TMEM114: variants seen among roughly 807,000 people sequenced by gnomAD.
TMEM114 encodes transmembrane protein 114.
Under a neutral mutation model 6.2 loss-of-function variants are expected in TMEM114, and 6 were observed. The observed-to-expected ratio is 0.97, with a 90% CI of 0.53 to 1.91. The LOEUF (loss-of-function observed/expected upper bound fraction) is 1.91. Ranked by LOEUF, TMEM114 falls within the 40% of genes most tolerant of loss-of-function variation. The pLI, the probability that TMEM114 is intolerant of heterozygous loss-of-function variation, is 0.01. For synonymous variants in TMEM114, 104 were observed against 73.0 expected, an observed-to-expected ratio of 1.42 and a Z score of -2.16; for missense variants, 218 against 158.3, an observed-to-expected ratio of 1.38 and a Z score of -2.02.
chr16:8,582,941 C>T (rs1031129901), intron 2 of TMEM114, among the ~76,000 whole-genome samples: 7 of 147,862 alleles, frequency 4.7e-5, no homozygotes, highest in African/African-American at 1.9e-4. Flanking sequence ...CAGGGAAGGG[C>T]AGGGAAAGGC....
chr16:8,555,246 A>G (rs982381547), intron 2 of TMEM114, among the ~76,000 whole-genome samples: 3 of 152,214 alleles, frequency 2.0e-5, no homozygotes, highest in South Asian at 2.1e-4. Context: ...TTAGCCCAGG[A>G]AGGAATTCAA....
intron 2 of TMEM114, among the ~76,000 whole-genome samples, chr16:8,548,612 A>C (rs1900745819): frequency 6.6e-6 from 1 of 151,260 alleles, no homozygotes; most frequent in South Asian, 2.1e-4. Context: ...CCCTAAGAGC[A>C]AATTATCTGA....
At chr16:8,540,649 C>A (rs886449521) in intron 2 of TMEM114, among the ~76,000 whole-genome samples, 2 of 152,116 alleles carry the variant, frequency 1.3e-5, no homozygotes, top group Admixed American at 1.3e-4. Flanking sequence ...TTTTTATTGA[C>A]CACTCACTAT....
At chr16:8,585,282 G>A (rs1377361330) in intron 2 of TMEM114, among the ~76,000 whole-genome samples, 3 of 152,186 alleles carry the variant, frequency 2.0e-5, no homozygotes, top group Non-Finnish European at 4.4e-5. Flanking sequence ...GATGACATTT[G>A]GGTGGGGGCA....
At chr16:8,562,794 G>C (rs1039911158) in intron 2 of TMEM114, among the ~76,000 whole-genome samples, 1 of 150,886 alleles carries the variant, frequency 6.6e-6, no homozygotes, top group South Asian at 2.1e-4. Context: ...ATGAGTAAGT[G>C]AGTGAATGAG....
chr16:8,569,243 C>A (rs1901638214), downstream of TMEM114, among the ~76,000 whole-genome samples: 1 of 152,136 alleles, frequency 6.6e-6, no homozygotes, highest in Non-Finnish European at 1.5e-5. Context: ...TTGGCCAACC[C>A]CTTGGGAGTC....
chr16:8,531,302 C>T, the TMEM114 span, among the ~76,000 whole-genome samples: 8 of 152,176 alleles, frequency 5.3e-5, no homozygotes, highest in Non-Finnish European at 1.0e-4. Flanking sequence ...ATATAATTTG[C>T]ATTGCAAAAT....
intron 2 of TMEM114, among the ~76,000 whole-genome samples, chr16:8,588,051 T>C (rs1902369715): frequency 6.6e-6 from 1 of 151,992 alleles, no homozygotes; most frequent in Non-Finnish European, 1.5e-5. Context: ...TTTGGAAGGC[T>C]GAGATGGGCA....
chr16:8,529,399 G>T, the TMEM114 span, among the ~76,000 whole-genome samples: 1 of 152,164 alleles, frequency 6.6e-6, no homozygotes, highest in Non-Finnish European at 1.5e-5. Context: ...CTTCCTTGTC[G>T]CTGGAAGCAG....
At chr16:8,569,216 G>T (rs1032726579), downstream of TMEM114, among the ~76,000 whole-genome samples, 4 of 152,212 alleles carry the variant, frequency 2.6e-5, no homozygotes, top group Non-Finnish European at 5.9e-5. Flanking sequence ...GATTAGTCTT[G>T]AAGAGTGCTC....
intron 2 of TMEM114, among the ~76,000 whole-genome samples, chr16:8,560,782 A>C (rs1901173095): frequency 6.6e-6 from 1 of 152,184 alleles, no homozygotes. Context: ...GTTCACCTCC[A>C]GGAGAAGGCA....
intron 2 of TMEM114, among the ~76,000 whole-genome samples, chr16:8,550,685 C>A (rs796854629): frequency 0.026 from 1,073 of 41,734 alleles, 4 homozygotes; most frequent in Middle Eastern, 0.065. Context: ...TCAAAAAAAA[C>A]AAAAAAAAAA....
intron 2 of TMEM114, among the ~76,000 whole-genome samples, chr16:8,575,199 G>A (rs1403884095): frequency 6.6e-6 from 1 of 152,278 alleles, no homozygotes; most frequent in East Asian, 1.9e-4. Flanking sequence ...TGTGACTTTG[G>A]ACAAATGACT....
intron 2 of TMEM114, among the ~76,000 whole-genome samples, chr16:8,555,774 C>T (rs968143058): frequency 6.6e-6 from 1 of 152,154 alleles, no homozygotes; most frequent in African/African-American, 2.4e-5. Context: ...AGGGGGGATG[C>T]AGTTGGCATC....
Position 8,569,667 on chromosome 16 carries a change from C to T in TMEM114, c.*106G>A, listed in dbSNP as rs570138167. On this transcript the variant is annotated 3_prime_UTR_variant, in exon 4 of 4. Transcript: ENST00000620492. Reference sequence around the variant, plus strand: ...TGGGGGAAGGAGGGGGGTGCCTGGCCTCCCCGAGTGGCCTTTGAGGAAGAA... The same window carrying T: ...TGGGGGAAGGAGGGGGGTGCCTGGCTTCCCCGAGTGGCCTTTGAGGAAGAA... The T allele has an allele frequency of 1.9e-5, 28 of 1,444,830 alleles. No homozygotes were observed. In the African/African-American group the frequency reaches 3.7e-4, roughly 19 times the overall value. The allele number at this position is 1,444,830 out of a possible 1,614,324, so 89.5% of individuals were successfully genotyped here.
chr16:8,568,869 C>T (rs1901629445), downstream of TMEM114, among the ~76,000 whole-genome samples: 1 of 152,218 alleles, frequency 6.6e-6, no homozygotes, highest in Non-Finnish European at 1.5e-5. Flanking sequence ...GGAAGATACC[C>T]AGGTGATTCT....
At chr16:8,557,935 C>T (rs557332567) in intron 2 of TMEM114, among the ~76,000 whole-genome samples, 1 of 152,266 alleles carries the variant, frequency 6.6e-6, no homozygotes, top group South Asian at 2.1e-4. Flanking sequence ...AATGTATTCT[C>T]TCACAATTCT....
At chr16:8,578,795 A>G (rs1902031885) in intron 2 of TMEM114, among the ~76,000 whole-genome samples, 1 of 152,154 alleles carries the variant, frequency 6.6e-6, no homozygotes. Flanking sequence ...CCTGGGCAAC[A>G]TGGTGAAACC....
At chr16:8,544,229 T>G (rs532594750) in intron 2 of TMEM114, among the ~76,000 whole-genome samples, 2 of 152,206 alleles carry the variant, frequency 1.3e-5, no homozygotes, top group African/African-American at 2.4e-5. Context: ...GCTGGCTTTA[T>G]GTCTTGCTTA....
Sources: allele counts gnomAD v4.1 joint callset (sites outside exome capture counted in the v4.1 genomes callset), GRCh38; gene constraint gnomAD v4.1.1; transcripts MANE v1.5; gene names NCBI Gene and HGNC (gene_info 2026-07-23, HGNC 2026-07-21).